RCOR1: variants seen among roughly 807,000 people sequenced by gnomAD.
The protein encoded by RCOR1 is REST corepressor 1, also known as REST corepressor.
A neutral mutation model predicts 64.0 loss-of-function variants in RCOR1; 12 were observed. The observed-to-expected ratio is 0.19, with a 90% CI of 0.12 to 0.30. The LOEUF (loss-of-function observed/expected upper bound fraction) is 0.30. Ranked by LOEUF, RCOR1 falls within the 10% of genes least tolerant of loss-of-function variation. RCOR1 has a pLI of 1.00. For synonymous variants in RCOR1, 279 were observed against 227.2 expected (o/e 1.23, Z -2.05); for missense variants, 502 against 621.2 (o/e 0.81, Z 2.04).
Position 102,729,841 on chromosome 14 carries a change from A to C in RCOR1, c.*3335A>C, listed in dbSNP as rs1028462251. ...TGTGAGCTAAGGAAAGATGGAGCCA[A>C]CTCCAACGAGGGCCTCTTTTTCTCT... On this transcript the variant is annotated 3_prime_UTR_variant, in exon 12 of 12. Transcript: ENST00000262241. 4 of 398,980 alleles carry C rather than the reference A, an allele frequency of 1.0e-5. No individual in the cohort carries two copies. The highest frequency in any genetic ancestry group is 4.4e-6 in the Non-Finnish European group (1 of 226,046). 24.7% of individuals were successfully genotyped at this position (398,980 alleles called of 1,614,324 possible).
At chr14:102,709,912 G>A (rs904962832) in intron 6 of RCOR1, among the ~76,000 whole-genome samples, 1 of 152,120 alleles carries the variant, frequency 6.6e-6, no homozygotes, top group Non-Finnish European at 1.5e-5. Flanking sequence ...CTCCCTGGAG[G>A]CTTTTTTTTT....
intron 2 of RCOR1, among the ~76,000 whole-genome samples, chr14:102,616,998 C>T (rs1893774378): frequency 6.6e-6 from 1 of 152,020 alleles, no homozygotes; most frequent in South Asian, 2.1e-4. Context: ...TTTGAAGATA[C>T]CGAGGATTTT....
chr14:102,648,349 G>T (rs1309376635), intron 2 of RCOR1, among the ~76,000 whole-genome samples: 1 of 152,198 alleles, frequency 6.6e-6, no homozygotes, highest in East Asian at 1.9e-4. Flanking sequence ...GAAGTGCTGG[G>T]ATTACAGGCA....
At chr14:102,725,418 A>G (rs1041596659) in intron 11 of RCOR1, among the ~76,000 whole-genome samples, 4 of 152,178 alleles carry the variant, frequency 2.6e-5, no homozygotes, top group African/African-American at 7.2e-5. Flanking sequence ...GAAATGCCTC[A>G]TAGCTTTTAA....
At chr14:102,699,035 C>T (rs1489050563) in intron 3 of RCOR1, among the ~76,000 whole-genome samples, 1 of 152,048 alleles carries the variant, frequency 6.6e-6, no homozygotes, top group African/African-American at 2.4e-5. Context: ...TACAGGCATG[C>T]GCCACCACGC....
At chr14:102,615,080 C>A (rs979964759) in intron 2 of RCOR1, among the ~76,000 whole-genome samples, 18 of 151,608 alleles carry the variant, frequency 1.2e-4, no homozygotes, top group Non-Finnish European at 2.4e-4. Flanking sequence ...ATGTGCCCGC[C>A]TTGGCCTCCC....
At chr14:102,679,316 AT>A (rs1895255432) in intron 2 of RCOR1, among the ~76,000 whole-genome samples, 1 of 152,046 alleles carries the variant, frequency 6.6e-6, no homozygotes, top group Non-Finnish European at 1.5e-5. Context: ...TTTTAAAAAA[AT>A]GTTTGTTTTG....
chr14:102,695,090 T>G (rs1895617480), intron 3 of RCOR1, among the ~76,000 whole-genome samples: 1 of 151,996 alleles, frequency 6.6e-6, no homozygotes, highest in South Asian at 2.1e-4. Flanking sequence ...GAAGGGTGAG[T>G]TAAGGTTACT....
At chr14:102,626,728 A>G (rs915299161) in intron 2 of RCOR1, among the ~76,000 whole-genome samples, 2 of 152,190 alleles carry the variant, frequency 1.3e-5, no homozygotes, top group Non-Finnish European at 2.9e-5. Context: ...GGGGAGGTAG[A>G]GACCACTAGT....
At chr14:102,689,463 C>G (rs762763692) in intron 3 of RCOR1, among the ~76,000 whole-genome samples, 2 of 152,040 alleles carry the variant, frequency 1.3e-5, no homozygotes, top group Non-Finnish European at 2.9e-5. Context: ...TGATAGTTCC[C>G]AGAAGGAGCA....
At chr14:102,655,951 TCACACA>T (rs57847726) in intron 2 of RCOR1, 32,916 of 845,404 alleles carry the variant, frequency 0.039, 11 homozygotes, top group Non-Finnish European at 0.043. Flanking sequence ...AGACTTTTTG[TCACACA>T]CACACACACA....
intron 2 of RCOR1, among the ~76,000 whole-genome samples, chr14:102,658,131 C>T (rs1450514304): frequency 6.6e-6 from 1 of 151,988 alleles, no homozygotes. Context: ...CCCACCGCCA[C>T]ACCCAGCTAA....
intron 2 of RCOR1, among the ~76,000 whole-genome samples, chr14:102,627,138 C>T (rs1893997152): frequency 6.6e-6 from 1 of 152,080 alleles, no homozygotes. Flanking sequence ...GAAAACTACT[C>T]ACTCCCCTTA....
intron 2 of RCOR1, among the ~76,000 whole-genome samples, chr14:102,604,053 C>T (rs150909793): frequency 1.3e-5 from 2 of 152,052 alleles, no homozygotes; most frequent in Admixed American, 1.3e-4. Context: ...AGACTGTACT[C>T]AGAGATTGGT....
At position 102,711,032 on chromosome 14, in the gene RCOR1, A is replaced by G; in HGVS notation, c.858+19A>G. 6.6e-7 allele frequency: 1 copy of G among 1,508,808 alleles called. No individual in the cohort carries two copies. 93.5% of individuals were successfully genotyped at this position (1,508,808 alleles called of 1,614,324 possible). ...AAAGGAGGTATTTTTTCCCCCTAGT[A>G]TTGTTTAGGCGAATAAATTTTATTA... On this transcript the variant is annotated intron_variant, in intron 7 of 11. Transcript: ENST00000262241.
chr14:102,682,063 G>A (rs1482913356), intron 3 of RCOR1, 85 bp downstream of exon 3: 9 of 721,804 alleles, frequency 1.2e-5, no homozygotes, highest in Non-Finnish European at 2.1e-5. Flanking sequence ...GCTTCTATAT[G>A]TATTAAATTT....
intron 2 of RCOR1, among the ~76,000 whole-genome samples, chr14:102,616,248 G>GTGTGTA (rs1366651748): frequency 7.3e-5 from 11 of 149,720 alleles, no homozygotes; most frequent in Non-Finnish European, 8.9e-5. Flanking sequence ...GTGTGTGTGT[G>GTGTGTA]TATGTGTGTG....
At chr14:102,675,412 A>G (rs980180071) in intron 2 of RCOR1, among the ~76,000 whole-genome samples, 1 of 152,222 alleles carries the variant, frequency 6.6e-6, no homozygotes, top group Non-Finnish European at 1.5e-5. Context: ...AACAACAAAA[A>G]ATAATAAAAT....
intron 5 of RCOR1, 32 bp downstream of exon 5, chr14:102,707,544 T>C: frequency 6.5e-7 from 1 of 1,539,282 alleles, no homozygotes; most frequent in South Asian, 1.2e-5. Context: ...GTTCTATTTT[T>C]TTTCTCCTAT....
Sources: gnomAD v4.1 joint callset for allele counts (sites outside exome capture counted in the v4.1 genomes callset) on GRCh38, gnomAD v4.1.1 for gene constraint, MANE v1.5 for transcripts, NCBI Gene and HGNC (gene_info 2026-07-23, HGNC 2026-07-21) for gene names.